Variants in LTBP2 observed in about 807,000 individuals in gnomAD.
LTBP2 encodes latent transforming growth factor beta binding protein 2, also known as latent-transforming growth factor beta-binding protein 2.
Under a neutral mutation model 210.6 loss-of-function variants are expected in LTBP2, and 103 were observed. That is an observed-to-expected ratio of 0.49 (90% confidence interval 0.42 to 0.58). The LOEUF (loss-of-function observed/expected upper bound fraction) is 0.58. Ranked by LOEUF, LTBP2 falls within the 20% of genes least tolerant of loss-of-function variation. The pLI is 0.00. For synonymous variants in LTBP2, 1,007 were observed against 1,015.0 expected (o/e 0.99, Z 0.15); for missense variants, 2,313 against 2,494.5 (o/e 0.93, Z 1.55).
intron 1 of LTBP2, among the ~76,000 whole-genome samples, chr14:74,605,761 T>C (rs1311536414): frequency 2.6e-5 from 4 of 152,180 alleles, no homozygotes; most frequent in African/African-American, 4.8e-5. Flanking sequence ...AGGATGGCTT[T>C]GCAGCTGACT....
At chr14:74,540,783 TTATATATATATTTATATATATATATAA>T (rs71115999) in intron 8 of LTBP2, among the ~76,000 whole-genome samples, 3 of 23,914 alleles carry the variant, frequency 1.3e-4, no homozygotes, top group African/African-American at 1.9e-4. Context: ...TATATATATA[TTATATATATATTTATATATATATATAA>T]TATATATATA....
chr14:74,500,893 G>A lies in LTBP2; in HGVS notation c.5457C>T (p.Ala1819=), dbSNP rs752816941. 6 of 1,614,080 alleles carry A rather than the reference G, an allele frequency of 3.7e-6. No homozygotes were observed. Among genetic ancestry groups the A allele is most frequent in the Admixed American group, 1.7e-5 (1 of 60,036 alleles). The change falls in exon 36 of 36, where the codon GCC becomes GCT. Residue 1819 remains alanine, a synonymous_variant. Coordinates refer to ENST00000261978, the MANE Select transcript of LTBP2 (RefSeq NM_000428.3). ...VAEAGPPHCT[A]KE ...CACTGACCCCTGACTGCTACTCCTT[G>A]GCAGTGCAGTGGGGGGGCCCTGCCT...
chr14:74,522,887 G>A lies in LTBP2; in HGVS notation c.2562C>T (p.Asn854=), dbSNP rs374031899. ...GIDRCAAGAT[N]VCGPGTCVNL... ...TCACGCAGGTTCCAGGGCCACAGACGTTGGTGGCTCCAGCAGCGCATCTGT... is the reference window on the plus strand; with the variant it reads ...TCACGCAGGTTCCAGGGCCACAGACATTGGTGGCTCCAGCAGCGCATCTGT... Residue 854 remains asparagine (N), a synonymous_variant, in exon 16 of 36, where the codon AAC becomes AAT. Transcript: ENST00000261978. The A allele has an allele frequency of 3.0e-5, 49 of 1,612,448 alleles. No individual in the cohort carries two copies. Among genetic ancestry groups the A allele is most frequent in the East Asian group, 2.9e-4 (13 of 44,866 alleles).
At chr14:74,502,373 TTCTC>T (rs146628935) in intron 34 of LTBP2, among the ~76,000 whole-genome samples, 31 of 151,768 alleles carry the variant, frequency 2.0e-4, no homozygotes, top group Middle Eastern at 6.8e-3. Context: ...GTGAACAGCT[TTCTC>T]TCTCTCTCTC....
At chr14:74,582,697 C>T (rs1175918997) in intron 3 of LTBP2, among the ~76,000 whole-genome samples, 3 of 152,150 alleles carry the variant, frequency 2.0e-5, no homozygotes, top group Admixed American at 6.5e-5. Context: ...CACCAAAGCC[C>T]GGGCTCTAAC....
intron 8 of LTBP2, among the ~76,000 whole-genome samples, chr14:74,540,822 T>TATATA (rs1253529515): frequency 1.5e-5 from 1 of 67,600 alleles, no homozygotes; most frequent in Non-Finnish European, 3.0e-5. Flanking sequence ...ATATATATAT[T>TATATA]TTTATATAAT....
chr14:74,603,130 A>T (rs1566656900), intron 2 of LTBP2, among the ~76,000 whole-genome samples: 1 of 151,384 alleles, frequency 6.6e-6, no homozygotes, highest in Non-Finnish European at 1.5e-5. Context: ...AGCTGGAGGC[A>T]TTTTTTTTTC....
rs2087629561 is a variant in LTBP2 at position 74,549,979 on chromosome 14, C to A, written c.1687-14G>T. On this transcript the variant is annotated splice_polypyrimidine_tract_variant and intron_variant, in intron 7 of 35. Coordinates refer to ENST00000261978, the MANE Select transcript of LTBP2 (RefSeq NM_000428.3). The stretch of plus-strand genomic sequence containing the variant: ...AGGGTTGGCACACTGGAAGGAGAGG[C>A]CATGGACACCTGTGACCACCCCCCT... 6 of 1,549,276 alleles carry A rather than the reference C, an allele frequency of 3.9e-6. No homozygotes were observed. Among genetic ancestry groups the A allele is most frequent in the African/African-American group, 1.4e-5 (1 of 73,586 alleles).
At chr14:74,564,309 ATATATATATT>A (rs2087865800) in intron 3 of LTBP2, among the ~76,000 whole-genome samples, 1 of 14,056 alleles carries the variant, frequency 7.1e-5, no homozygotes, top group Admixed American at 1.3e-3. Context: ...ATATATATTT[ATATATATATT>A]TATATATATA....
rs1217117713 is a variant in LTBP2 at position 74,516,969 on chromosome 14, C to T, written c.2789-28G>A. ...GTGAACACACAGAAAAGCCCTGAGT[C>T]ACAGCCAGCCCTGGAGGATGGTGGA... On this transcript the variant is annotated intron_variant, in intron 17 of 35. Transcript: ENST00000261978. The T allele has an allele frequency of 3.2e-6, 5 of 1,549,270 alleles. No individual in the cohort carries two copies. The Admixed American group carries it at 7.8e-5, about 24-fold the overall frequency.
At chr14:74,527,280 C>T in intron 13 of LTBP2, 67 bp downstream of exon 13, 1 of 1,575,222 alleles carries the variant, frequency 6.3e-7, no homozygotes, top group Non-Finnish European at 8.6e-7. Context: ...GCCCTGGGGC[C>T]TGAGCTGCTA....
chr14:74,506,321 T>G, intron 27 of LTBP2, 130 bp from the exon 28 acceptor site: 1 of 1,259,388 alleles, frequency 7.9e-7, no homozygotes. Context: ...AGTATAGATT[T>G]GTAGGGAGGA....
At chr14:74,544,156 G>A (rs551179480) in intron 8 of LTBP2, among the ~76,000 whole-genome samples, 28 of 152,190 alleles carry the variant, frequency 1.8e-4, no homozygotes, top group Non-Finnish European at 3.7e-4. Flanking sequence ...GCTGACAACT[G>A]GAATTCTGAA....
chr14:74,569,857 G>A (rs1349559586), intron 3 of LTBP2, among the ~76,000 whole-genome samples: 1 of 152,190 alleles, frequency 6.6e-6, no homozygotes, highest in Admixed American at 6.5e-5. Context: ...GCTGGCCCAA[G>A]CTCACGTATC....
At chr14:74,602,605 G>A (rs1208753866) in intron 2 of LTBP2, among the ~76,000 whole-genome samples, 1 of 152,260 alleles carries the variant, frequency 6.6e-6, no homozygotes, top group East Asian at 1.9e-4. Context: ...TCATCCACCC[G>A]CCACAGAGGA....
intron 2 of LTBP2, among the ~76,000 whole-genome samples, chr14:74,596,255 AAATAAATAAAAATT>A (rs1165201492): frequency 6.6e-6 from 1 of 150,554 alleles, no homozygotes; most frequent in African/African-American, 2.5e-5. Flanking sequence ...ATAAATAAAT[AAATAAATAAAAATT>A]AAAAACAAAG....
At chr14:74,550,051 C>T (rs906915002) in intron 7 of LTBP2, 86 bp from the exon 8 acceptor site, 2 of 869,312 alleles carry the variant, frequency 2.3e-6, no homozygotes, top group South Asian at 1.3e-5. Flanking sequence ...GCCTAGGACA[C>T]AGAGCTCACT....
rs542407153 is a variant in LTBP2, at chr14:74,532,823, G to A, written c.1865-275C>T. Among the ~76,000 whole-genome samples, 16 of 152,186 alleles carry A rather than the reference G, an allele frequency of 1.1e-4. No individual in the cohort carries two copies. In the South Asian group the frequency reaches 3.1e-3, roughly 30 times the overall value. The stretch of plus-strand genomic sequence containing the variant: ...CATGTAACAATGATCATAATATTAA[G>A]AGCTAATGTTTATTTATTTATTTAT... On this transcript the variant is annotated intron_variant, in intron 9 of 35. Coordinates refer to ENST00000261978, the MANE Select transcript of LTBP2 (RefSeq NM_000428.3).
intron 2 of LTBP2, among the ~76,000 whole-genome samples, chr14:74,594,018 G>A (rs908758013): frequency 6.6e-6 from 1 of 152,166 alleles, no homozygotes; most frequent in African/African-American, 2.4e-5. Flanking sequence ...ACTCTATATA[G>A]ATTGTTATGC....
Sources: allele counts gnomAD v4.1 joint callset (sites outside exome capture counted in the v4.1 genomes callset), GRCh38; gene constraint gnomAD v4.1.1; transcripts MANE v1.5; gene names NCBI Gene and HGNC (gene_info 2026-07-23, HGNC 2026-07-21).